PHF3: variants seen among roughly 807,000 people sequenced by gnomAD.
PHF3 encodes PHD finger protein 3.
A neutral mutation model predicts 178.4 loss-of-function variants in PHF3; 41 were observed. The observed-to-expected ratio is 0.23, with a 90% confidence interval of 0.18 to 0.30. PHF3 has a LOEUF of 0.30. Ranked by LOEUF, PHF3 falls within the 10% of genes least tolerant of loss-of-function variation. The pLI is 1.00. For synonymous variants in PHF3, 842 were observed against 800.5 expected, an observed-to-expected ratio of 1.05 and a Z score of -0.88; for missense variants, 2,346 against 2,398.1, an observed-to-expected ratio of 0.98 and a Z score of 0.45.
intron 2 of PHF3, among the ~76,000 whole-genome samples, chr6:63,653,906 T>C (rs1765123834): frequency 6.6e-6 from 1 of 152,230 alleles, no homozygotes; most frequent in Non-Finnish European, 1.5e-5. Flanking sequence ...GTTTTTGTTC[T>C]TCATTCTGTT....
chr6:63,650,117 A>C (rs889748983), intron 2 of PHF3, among the ~76,000 whole-genome samples: 2 of 152,198 alleles, frequency 1.3e-5, no homozygotes, highest in Non-Finnish European at 2.9e-5. Context: ...TGATATCTTT[A>C]GTTTTTACAA....
chr6:63,675,229 C>T (rs1273666217), intron 2 of PHF3, among the ~76,000 whole-genome samples: 1 of 152,056 alleles, frequency 6.6e-6, no homozygotes, highest in Non-Finnish European at 1.5e-5. Flanking sequence ...TTCCATTTCT[C>T]AACAGTAGGG....
rs1048592936 is a variant in PHF3, at chr6:63,719,227, A to C, written c.*5519A>C. ...TTGATTGGAATGGAGTGGCTAAAAT[A>C]AGACAAAAATCTCTAATAGTTTTTG... On this transcript the variant is annotated 3_prime_UTR_variant, in exon 16 of 16. Transcript: ENST00000262043. 3.9e-5 allele frequency among the ~76,000 whole-genome samples: 6 copies of C among 152,092 alleles called. No homozygotes were observed. The highest frequency in any genetic ancestry group is 1.4e-4 in the African/African-American group (6 of 41,440).
chr6:63,664,055 A>T (rs1236434069), intron 2 of PHF3, among the ~76,000 whole-genome samples: 2 of 152,236 alleles, frequency 1.3e-5, no homozygotes, highest in African/African-American at 2.4e-5. Context: ...CCAGCTAAAA[A>T]ATAGGAATTC....
At chr6:63,707,851 G>GTTTTTT (rs1358796924) in intron 13 of PHF3, among the ~76,000 whole-genome samples, 20 of 149,850 alleles carry the variant, frequency 1.3e-4, no homozygotes, top group African/African-American at 4.9e-4. Context: ...TTGTGGGTTT[G>GTTTTTT]TTTTTGTTTT....
chr6:63,636,268 G>C (rs1764327230), intron 1 of PHF3, 118 bp downstream of exon 1: 1 of 262,446 alleles, frequency 3.8e-6, no homozygotes, highest in Non-Finnish European at 7.2e-6. Flanking sequence ...GACTCTCCGC[G>C]CTTTTCTCCC....
At chr6:63,646,322 A>G (rs1273933391) in intron 1 of PHF3, among the ~76,000 whole-genome samples, 1 of 152,176 alleles carries the variant, frequency 6.6e-6, no homozygotes, top group African/African-American at 2.4e-5. Context: ...TACTACATGC[A>G]TGATGAAGAA....
chr6:63,658,220 A>G (rs2149552476), intron 2 of PHF3, among the ~76,000 whole-genome samples: 1 of 152,260 alleles, frequency 6.6e-6, no homozygotes, highest in South Asian at 2.1e-4. Context: ...GTTGTTCACA[A>G]CTTCTTAAGC....
intron 2 of PHF3, among the ~76,000 whole-genome samples, chr6:63,652,394 TTTG>T (rs915200395): frequency 7.2e-5 from 11 of 152,272 alleles, no homozygotes; most frequent in East Asian, 3.9e-4. Context: ...GGATTGCTTT[TTTG>T]TTGTTGTTGT....
rs184035092 is a variant in PHF3 at position 63,707,112 on chromosome 6, A to G, written c.3711+236A>G. ...CACTTTTCCCAAGATGTACTGCCTC[A>G]CTGTGTCAGATAATTCAAAATCAAT... On this transcript the variant is annotated intron_variant, in intron 13 of 15. Transcript: ENST00000262043. Among the ~76,000 whole-genome samples the G allele has an allele frequency of 1.2e-3, 185 of 152,360 alleles. 1 individual carries two copies. Among genetic ancestry groups the G allele is most frequent in the Admixed American group, 8.6e-3 (131 of 15,296 alleles).
At chr6:63,695,049 A>G (rs1767176507) in intron 6 of PHF3, among the ~76,000 whole-genome samples, 1 of 152,152 alleles carries the variant, frequency 6.6e-6, no homozygotes, top group Non-Finnish European at 1.5e-5. Context: ...ATTGCATGTT[A>G]TTTTACAGCT....
chr6:63,666,043 T>C (rs766163215), intron 2 of PHF3, among the ~76,000 whole-genome samples: 2 of 152,274 alleles, frequency 1.3e-5, no homozygotes, highest in African/African-American at 2.4e-5. Context: ...TTTTAAAATT[T>C]AGGTAGCAGT....
At chr6:63,656,595 GC>G (rs1765244277) in intron 2 of PHF3, among the ~76,000 whole-genome samples, 1 of 152,120 alleles carries the variant, frequency 6.6e-6, no homozygotes, top group South Asian at 2.1e-4. Context: ...GTTGCCCAGA[GC>G]CCCCTGAGTT....
At chr6:63,640,880 T>G (rs1764542745) in intron 1 of PHF3, among the ~76,000 whole-genome samples, 1 of 152,200 alleles carries the variant, frequency 6.6e-6, no homozygotes, top group Non-Finnish European at 1.5e-5. Flanking sequence ...GCTGTCCTAG[T>G]GCATTATAGT....
chr6:63,702,381 A>T, intron 9 of PHF3, 127 bp from the exon 10 acceptor site: 1 of 576,064 alleles, frequency 1.7e-6, no homozygotes, highest in Non-Finnish European at 2.9e-6. Context: ...TATATGAGAC[A>T]TTACCTTAAG....
At position 63,711,701 on chromosome 6, in the gene PHF3, A is replaced by G. The variant is rs750653663; in HGVS notation, c.4113A>G (p.Ala1371=). ...ATATAGCTGAGACTCCTGAAAGTGC[A>G]CCACCAATAGCATTGCCACCTGATA... ...TSHIAETPES[A]PPIALPPDKK... is the part of the protein sequence containing the mutation. The change falls in exon 16 of 16, where the codon GCA becomes GCG. Residue 1371 remains alanine, a synonymous_variant. Coordinates refer to ENST00000262043, the MANE Select transcript of PHF3 (RefSeq NM_001370348.2). 2.5e-6 allele frequency: 4 copies of G among 1,613,936 alleles called. No individual in the cohort carries two copies. In the Admixed American group the frequency reaches 5.0e-5, roughly 20 times the overall value.
At chr6:63,686,110 T>C in intron 4 of PHF3, 199 bp downstream of exon 4, 1 of 522,272 alleles carries the variant, frequency 1.9e-6, no homozygotes, top group Non-Finnish European at 3.3e-6. Flanking sequence ...CCTAGAACAT[T>C]TAAAAAAGCA....
chr6:63,678,467 A>G (rs1180594462), intron 2 of PHF3, among the ~76,000 whole-genome samples: 3 of 152,204 alleles, frequency 2.0e-5, no homozygotes, highest in Non-Finnish European at 4.4e-5. Flanking sequence ...TACTTTTATA[A>G]TACATGCTTA....
intron 2 of PHF3, among the ~76,000 whole-genome samples, chr6:63,669,421 T>G (rs1228566152): frequency 6.6e-6 from 1 of 152,220 alleles, no homozygotes; most frequent in Non-Finnish European, 1.5e-5. Flanking sequence ...AAAATTGCTT[T>G]TGAATGATGT....
Sources: gnomAD v4.1 joint callset for allele counts (sites outside exome capture counted in the v4.1 genomes callset) on GRCh38, gnomAD v4.1.1 for gene constraint, MANE v1.5 for transcripts, NCBI Gene and HGNC (gene_info 2026-07-23, HGNC 2026-07-21) for gene names.